Variants in DNAJC1 observed in about 807,000 individuals in gnomAD.
DNAJC1 encodes the protein DnaJ heat shock protein family (Hsp40) member C1.
DNAJC1 carries 58 observed loss-of-function variants against 76.6 expected under a neutral mutation model. The observed-to-expected ratio is 0.76, with a 90% CI of 0.61 to 0.94. The LOEUF is 0.94. Among genes scored for constraint, DNAJC1 ranks in the 40% least tolerant of loss-of-function variants. The probability of loss-of-function intolerance (pLI) is 0.00; values close to 1 mark genes in which losing one functional copy is unlikely to be tolerated. For synonymous variants in DNAJC1, 258 were observed against 267.9 expected, an observed-to-expected ratio of 0.96 and a Z score of 0.36; for missense variants, 689 against 677.3, an observed-to-expected ratio of 1.02 and a Z score of -0.19.
At chr10:21,906,005 G>A (rs753240199) in intron 6 of DNAJC1, among the ~76,000 whole-genome samples, 7 of 152,020 alleles carry the variant, frequency 4.6e-5, no homozygotes, top group Non-Finnish European at 7.4e-5. Flanking sequence ...AACTCTTTTC[G>A]TCTACGACTG....
intron 8 of DNAJC1, among the ~76,000 whole-genome samples, chr10:21,858,570 G>A (rs1458622950): frequency 6.6e-6 from 1 of 152,130 alleles, no homozygotes; most frequent in Non-Finnish European, 1.5e-5. Flanking sequence ...TTTTCTTTGA[G>A]GTCTTCCAAC....
chr10:21,854,388 T>A lies in DNAJC1; in HGVS notation c.978+27894A>T, dbSNP rs182455084. 8.5e-4 allele frequency among the ~76,000 whole-genome samples: 128 copies of A among 150,944 alleles called. 5 individuals carry two copies. In the East Asian group the frequency reaches 0.021, roughly 25 times the overall value. ...AAAAAAAACTGTTTCTCCATAGGTA[T>A]AGTTGTATTTTAAATATTATCAAAC... is the stretch of plus-strand genomic sequence containing the variant. On this transcript the variant is annotated intron_variant, in intron 8 of 11. Coordinates refer to ENST00000376980, the MANE Select transcript of DNAJC1 (RefSeq NM_022365.4).
chr10:21,819,701 G>A lies in DNAJC1; in HGVS notation c.979-13602C>T, dbSNP rs139514229. ...TCCCAGCACTTTGGGAGGCTGAGGC[G>A]GGTAGATCACCTGAGGTCAGGAGTT... On this transcript the variant is annotated intron_variant, in intron 8 of 11. Transcript: ENST00000376980. Among the ~76,000 whole-genome samples, 1,290 of 152,112 alleles carry A rather than the reference G, an allele frequency of 8.5e-3. 19 individuals are homozygous for A. Among genetic ancestry groups the A allele is most frequent in the African/African-American group, 0.029 (1,212 of 41,484 alleles).
intron 1 of DNAJC1, among the ~76,000 whole-genome samples, chr10:21,981,570 G>A (rs1590078296): frequency 6.6e-6 from 1 of 152,240 alleles, no homozygotes; most frequent in East Asian, 1.9e-4. Flanking sequence ...TTAGTTTTCT[G>A]AGACTGGGCA....
chr10:21,990,718 T>C (rs984724229), intron 1 of DNAJC1, among the ~76,000 whole-genome samples: 1 of 152,168 alleles, frequency 6.6e-6, no homozygotes, highest in African/African-American at 2.4e-5. Flanking sequence ...AGGACTCTAT[T>C]GTCAGTTTTA....
intron 8 of DNAJC1, among the ~76,000 whole-genome samples, chr10:21,880,195 C>T (rs150698877): frequency 2.6e-3 from 390 of 152,320 alleles, no homozygotes; most frequent in Non-Finnish European, 4.7e-3. Context: ...ACTTCTAATT[C>T]TAGTTCTCTT....
chr10:21,967,497 T>C (rs377098710), intron 1 of DNAJC1, among the ~76,000 whole-genome samples: 1 of 152,220 alleles, frequency 6.6e-6, no homozygotes, highest in African/African-American at 2.4e-5. Flanking sequence ...TCTCTAGGCA[T>C]CCCTATTTAC....
intron 1 of DNAJC1, among the ~76,000 whole-genome samples, chr10:21,935,150 T>C (rs1837290388): frequency 6.6e-6 from 1 of 152,138 alleles, no homozygotes; most frequent in African/African-American, 2.4e-5. Context: ...AAATTATCCC[T>C]GAGGATGTCC....
intron 8 of DNAJC1, among the ~76,000 whole-genome samples, chr10:21,847,898 G>A (rs1042373235): frequency 1.3e-5 from 2 of 152,058 alleles, no homozygotes; most frequent in African/African-American, 4.8e-5. Context: ...CTTGGCTATT[G>A]TGAATAGTGG....
chr10:21,780,296 G>C lies in DNAJC1; in HGVS notation c.1099-13987C>G, dbSNP rs957381812. Among the ~76,000 whole-genome samples the C allele has an allele frequency of 5.3e-5, 8 of 152,156 alleles. No individual in the cohort carries two copies. In the East Asian group the frequency reaches 5.8e-4, roughly 11 times the overall value. On this transcript the variant is annotated intron_variant, in intron 9 of 11. Coordinates refer to ENST00000376980, the MANE Select transcript of DNAJC1 (RefSeq NM_022365.4). ...GCAACTCCAAGACACATAATTGTCA[G>C]ATTCACCAAAGTTGAAATGAAGGAA...
At chr10:21,893,491 G>C (rs1033674536) in intron 7 of DNAJC1, among the ~76,000 whole-genome samples, 1 of 151,886 alleles carries the variant, frequency 6.6e-6, no homozygotes, top group African/African-American at 2.4e-5. Flanking sequence ...AGCCGGGCAT[G>C]GTGGCAAGTG....
At chr10:21,869,004 T>C (rs747017941) in intron 8 of DNAJC1, among the ~76,000 whole-genome samples, 2 of 152,048 alleles carry the variant, frequency 1.3e-5, no homozygotes, top group Non-Finnish European at 2.9e-5. Context: ...TCAAAGTATT[T>C]TGTCCCCAAA....
At chr10:21,833,771 C>A (rs1335617165) in intron 8 of DNAJC1, among the ~76,000 whole-genome samples, 2 of 152,160 alleles carry the variant, frequency 1.3e-5, no homozygotes, top group African/African-American at 4.8e-5. Context: ...TATCACTGTA[C>A]CACCCACTCA....
chr10:21,988,089 C>A (rs1317746352), intron 1 of DNAJC1, among the ~76,000 whole-genome samples: 1 of 152,048 alleles, frequency 6.6e-6, no homozygotes, highest in Non-Finnish European at 1.5e-5. Context: ...GAATTTATTT[C>A]TCATTCTTTA....
At chr10:21,856,692 T>C (rs533659694) in intron 8 of DNAJC1, among the ~76,000 whole-genome samples, 12 of 152,250 alleles carry the variant, frequency 7.9e-5, no homozygotes, top group South Asian at 4.1e-4. Context: ...TGCAAGATAG[T>C]TGGAAAACTA....
chr10:21,855,041 C>A (rs375954193), intron 8 of DNAJC1, among the ~76,000 whole-genome samples: 16 of 152,168 alleles, frequency 1.1e-4, no homozygotes, highest in African/African-American at 3.6e-4. Flanking sequence ...TCCATTAATT[C>A]TTCTAGAAAA....
intron 8 of DNAJC1, among the ~76,000 whole-genome samples, chr10:21,822,544 C>T (rs1218451223): frequency 2.6e-5 from 4 of 152,024 alleles, no homozygotes; most frequent in East Asian, 3.9e-4. Context: ...AAAACTGAGA[C>T]CTACAAAACT....
chr10:21,930,385 ACTGT>A (rs1213048551), intron 1 of DNAJC1, among the ~76,000 whole-genome samples: 2 of 152,212 alleles, frequency 1.3e-5, no homozygotes, highest in Non-Finnish European at 2.9e-5. Flanking sequence ...TTGATAGCTG[ACTGT>A]CTAATTAATT....
chr10:21,931,762 G>T (rs1837229125), intron 1 of DNAJC1, among the ~76,000 whole-genome samples: 1 of 152,222 alleles, frequency 6.6e-6, no homozygotes, highest in East Asian at 1.9e-4. Context: ...TCTATTAGAG[G>T]CCTGAATGTT....
Sources: allele counts gnomAD v4.1 joint callset (sites outside exome capture counted in the v4.1 genomes callset), GRCh38; gene constraint gnomAD v4.1.1; transcripts MANE v1.5; gene names NCBI Gene and HGNC (gene_info 2026-07-23, HGNC 2026-07-21).